The following CECR2 variants were observed in gnomAD, a reference collection of about 807,000 sequenced individuals.
CECR2 encodes CECR2 histone acetyl-lysine reader, also known as chromatin remodeling regulator CECR2.
A neutral mutation model predicts 154.5 loss-of-function variants in CECR2; 30 were observed. That is an observed-to-expected ratio of 0.19 (90% CI 0.15 to 0.26). The LOEUF (loss-of-function observed/expected upper bound fraction) is 0.26, where lower values mean the gene tolerates loss of function less well. Ranked by LOEUF, CECR2 falls within the 10% of genes least tolerant of loss-of-function variation. The probability of loss-of-function intolerance (pLI) is 1.00; values close to 1 mark genes in which losing one functional copy is unlikely to be tolerated. For synonymous variants in CECR2, 725 were observed against 683.7 expected, an observed-to-expected ratio of 1.06 and a Z score of -0.94; for missense variants, 1,743 against 1,829.3, an observed-to-expected ratio of 0.95 and a Z score of 0.86.
intron 1 of CECR2, among the ~76,000 whole-genome samples, chr22:17,436,204 C>A (rs1244851722): frequency 6.6e-6 from 1 of 152,110 alleles, no homozygotes; most frequent in Non-Finnish European, 1.5e-5. Context: ...GTGATCTGCC[C>A]GCCTCGGCTT....
At chr22:17,445,793 A>G (rs995604622) in intron 1 of CECR2, among the ~76,000 whole-genome samples, 7 of 151,864 alleles carry the variant, frequency 4.6e-5, no homozygotes, top group Non-Finnish European at 7.4e-5. Context: ...GGGTTTTGCC[A>G]TGTTGGCCAG....
Position 17,409,959 on chromosome 22 carries a change from GCTGT to G in CECR2, c.126+40053_126+40056del, listed in dbSNP as rs1424278480. The stretch of plus-strand genomic sequence containing the variant: ...TTCACACATATTCAATCAAGTGTTT[GCTGT>G]CTATTTATTTATTTATTTATTTATT... On this transcript the variant is annotated intron_variant, in intron 1 of 18. Transcript: ENST00000262608. 4.9e-5 allele frequency among the ~76,000 whole-genome samples: 5 copies of G among 101,028 alleles called. 1 individual carries two copies. Among genetic ancestry groups the G allele is most frequent in the South Asian group, 2.8e-4 (1 of 3,608 alleles). The allele number at this position is 101,028 out of a possible 152,430, so 66.3% of individuals were successfully genotyped here. A position where few individuals can be genotyped will look rare whatever the true frequency, so the allele number is the denominator to read the frequency against.
chr22:17,388,567 T>G (rs1335640146), intron 1 of CECR2, among the ~76,000 whole-genome samples: 2 of 152,188 alleles, frequency 1.3e-5, no homozygotes, highest in East Asian at 3.8e-4. Flanking sequence ...TGCGGGTTCT[T>G]GAGAGTATAT....
At chr22:17,398,962 C>T (rs2053852823) in intron 1 of CECR2, among the ~76,000 whole-genome samples, 1 of 152,134 alleles carries the variant, frequency 6.6e-6, no homozygotes, top group South Asian at 2.1e-4. Context: ...CCTCTGAGGT[C>T]CTCAGACCAG....
chr22:17,552,082 A>G lies in CECR2; in HGVS notation c.4329A>G (p.Thr1443=). The G allele has an allele frequency of 6.2e-7, 1 of 1,614,042 alleles. No homozygotes were observed. The highest frequency in any genetic ancestry group is 1.7e-5 in the Admixed American group (1 of 60,024). Residue 1443 remains threonine, a synonymous_variant, in exon 18 of 19, where the codon ACA becomes ACG. Transcript: ENST00000262608. ...AGGCCTCGTTCCCAAAGACCCCCAC[A>G]GCAGCAACATCACAGGAGGAGGTGC... ...QSQASFPKTP[T]AATSQEEVPP...
At chr22:17,362,118 C>T (rs1196056466) in intron 1 of CECR2, among the ~76,000 whole-genome samples, 1 of 152,172 alleles carries the variant, frequency 6.6e-6, no homozygotes, top group African/African-American at 2.4e-5. Context: ...TCTCAGCTCA[C>T]TGCAACCTCT....
At chr22:17,538,762 A>G (rs372175149) in intron 12 of CECR2, 31 bp downstream of exon 12, 1 of 1,535,296 alleles carries the variant, frequency 6.5e-7, no homozygotes, top group African/African-American at 1.4e-5. Flanking sequence ...AATGCCTACT[A>G]TAGTGTGTAT....
intron 2 of CECR2, among the ~76,000 whole-genome samples, chr22:17,495,878 AAAAAAAAG>A (rs1465221578): frequency 3.3e-5 from 5 of 151,396 alleles, no homozygotes; most frequent in Non-Finnish European, 7.4e-5. Context: ...AAAAAAAAAA[AAAAAAAAG>A]GTATTTACAC....
chr22:17,552,256 A>T (rs1673649341), intron 18 of CECR2, 114 bp downstream of exon 18: 1 of 915,714 alleles, frequency 1.1e-6, no homozygotes, highest in Admixed American at 2.3e-5. Context: ...GGATACAGGA[A>T]CTTTGCCTGT....
intron 1 of CECR2, among the ~76,000 whole-genome samples, chr22:17,380,235 C>G (rs956865748): frequency 1.3e-5 from 2 of 152,136 alleles, no homozygotes; most frequent in African/African-American, 2.4e-5. Flanking sequence ...GCAGTTTTCT[C>G]CTCTTTAGAG....
intron 17 of CECR2, among the ~76,000 whole-genome samples, chr22:17,551,359 A>G (rs921522037): frequency 4.6e-5 from 7 of 152,210 alleles, no homozygotes; most frequent in African/African-American, 7.2e-5. Context: ...AAAGGATCCA[A>G]TGAAGGCTCA....
At chr22:17,527,458 A>G (rs1444917145) in intron 9 of CECR2, among the ~76,000 whole-genome samples, 1 of 151,910 alleles carries the variant, frequency 6.6e-6, no homozygotes, top group East Asian at 1.9e-4. Context: ...ACCCTGTCTC[A>G]AAAAAATAAA....
At chr22:17,411,279 G>A (rs1447443631) in intron 1 of CECR2, among the ~76,000 whole-genome samples, 2 of 152,172 alleles carry the variant, frequency 1.3e-5, no homozygotes, top group Non-Finnish European at 1.5e-5. Context: ...CACCTGGAGG[G>A]CAAATCTTGA....
At chr22:17,370,320 G>T (rs1343667773) in intron 1 of CECR2, among the ~76,000 whole-genome samples, 1 of 111,624 alleles carries the variant, frequency 9.0e-6, no homozygotes, top group South Asian at 2.5e-4. Context: ...GGCCGGGCGC[G>T]GGGGGGGGGC....
At chr22:17,466,509 A>T (rs922543255) in intron 1 of CECR2, among the ~76,000 whole-genome samples, 2 of 152,106 alleles carry the variant, frequency 1.3e-5, no homozygotes, top group African/African-American at 4.8e-5. Flanking sequence ...CCTACTTTGA[A>T]GAGTTTTGTG....
intron 1 of CECR2, among the ~76,000 whole-genome samples, chr22:17,426,599 C>T (rs1019347737): frequency 1.2e-4 from 18 of 152,198 alleles, no homozygotes; most frequent in African/African-American, 3.9e-4. Context: ...TCAGGTGATC[C>T]GCCCGCCTCA....
chr22:17,462,998 G>A (rs1331476199), intron 1 of CECR2, among the ~76,000 whole-genome samples: 1 of 152,202 alleles, frequency 6.6e-6, no homozygotes, highest in Non-Finnish European at 1.5e-5. Context: ...TCCTCAAGGG[G>A]TTTGCTTAAT....
At position 17,435,565 on chromosome 22, in the gene CECR2, A is replaced by G. The variant is rs558074470; in HGVS notation, c.127-42023A>G. 5.3e-5 allele frequency among the ~76,000 whole-genome samples: 8 copies of G among 152,162 alleles called. No individual in the cohort carries two copies. The South Asian group carries it at 1.5e-3, about 28-fold the overall frequency. ...ACCTTTTGAACTGTGTAACCTGACA[A>G]GAAAGATGTCTGGGGAATTAGCAAG... On this transcript the variant is annotated intron_variant, in intron 1 of 18. Transcript: ENST00000262608.
intron 1 of CECR2, among the ~76,000 whole-genome samples, chr22:17,379,581 GGTGT>G (rs60634016): frequency 0.028 from 3,910 of 137,832 alleles, 65 homozygotes; most frequent in Middle Eastern, 0.057. Flanking sequence ...CTACGTTGAA[GGTGT>G]GTGTGTGTGT....
Sources: gnomAD v4.1 joint callset for allele counts (sites outside exome capture counted in the v4.1 genomes callset) on GRCh38, gnomAD v4.1.1 for gene constraint, MANE v1.5 for transcripts, NCBI Gene and HGNC (gene_info 2026-07-23, HGNC 2026-07-21) for gene names.